HMBOX1: variants seen among roughly 807,000 people sequenced by gnomAD.
The protein encoded by HMBOX1 is homeobox containing 1.
A neutral mutation model predicts 54.5 loss-of-function variants in HMBOX1; 14 were observed. The observed-to-expected ratio is 0.26, with a 90% confidence interval of 0.17 to 0.40. HMBOX1 has a LOEUF of 0.40. Ranked by LOEUF, HMBOX1 falls within the 10% of genes least tolerant of loss-of-function variation. HMBOX1 has a pLI of 1.00. For synonymous variants in HMBOX1, 160 were observed against 181.0 expected (o/e 0.88, Z 0.93); for missense variants, 332 against 514.4 (o/e 0.65, Z 3.43).
At chr8:28,946,439 G>A (rs1176323524) in intron 1 of HMBOX1, among the ~76,000 whole-genome samples, 1 of 151,890 alleles carries the variant, frequency 6.6e-6, no homozygotes, top group Non-Finnish European at 1.5e-5. Flanking sequence ...GCATGGTGGT[G>A]GATGCCTGTA....
intron 7 of HMBOX1, among the ~76,000 whole-genome samples, chr8:29,047,061 G>A (rs569357905): frequency 1.1e-3 from 164 of 152,338 alleles, no homozygotes; most frequent in Non-Finnish European, 1.4e-3. Context: ...TCACATGGAC[G>A]TGGATCTGAC....
At chr8:29,001,912 A>G (rs1022527648) in intron 4 of HMBOX1, among the ~76,000 whole-genome samples, 7 of 152,214 alleles carry the variant, frequency 4.6e-5, no homozygotes, top group Admixed American at 4.6e-4. Context: ...CTGACTGTCT[A>G]AAAATATGTT....
chr8:28,946,601 A>C (rs1822520586), intron 1 of HMBOX1, among the ~76,000 whole-genome samples: 1 of 152,136 alleles, frequency 6.6e-6, no homozygotes, highest in Admixed American at 6.5e-5. Context: ...ATTGTGTTTG[A>C]TATGTATTTT....
intron 6 of HMBOX1, among the ~76,000 whole-genome samples, chr8:29,039,028 C>G (rs1419609489): frequency 6.6e-6 from 1 of 152,140 alleles, no homozygotes; most frequent in Non-Finnish European, 1.5e-5. Context: ...TCCCTGTACC[C>G]GCCCTCTCTG....
At chr8:29,022,539 A>G (rs1050973046) in intron 6 of HMBOX1, among the ~76,000 whole-genome samples, 10 of 152,230 alleles carry the variant, frequency 6.6e-5, no homozygotes, top group Non-Finnish European at 1.5e-4. Context: ...AACTATGTCA[A>G]TAAATTATAG....
At chr8:28,953,328 T>C (rs1251252272) in intron 1 of HMBOX1, among the ~76,000 whole-genome samples, 1 of 152,188 alleles carries the variant, frequency 6.6e-6, no homozygotes, top group African/African-American at 2.4e-5. Context: ...TAAGGCCTCA[T>C]TTATTGGTTA....
chr8:28,937,522 A>G (rs1820619276), intron 1 of HMBOX1, among the ~76,000 whole-genome samples: 1 of 152,128 alleles, frequency 6.6e-6, no homozygotes, highest in Non-Finnish European at 1.5e-5. Flanking sequence ...AACCCAACAC[A>G]TTTTCTTCAA....
chr8:28,952,801 C>T (rs1167047559), intron 1 of HMBOX1, among the ~76,000 whole-genome samples: 4 of 152,128 alleles, frequency 2.6e-5, no homozygotes, highest in Non-Finnish European at 4.4e-5. Flanking sequence ...TGTAATAATT[C>T]TTTTGGAATA....
intron 4 of HMBOX1, among the ~76,000 whole-genome samples, chr8:29,003,555 A>AATATATATATATATATATATATGTAT (rs1832983177): frequency 1.4e-5 from 1 of 71,312 alleles, no homozygotes; most frequent in East Asian, 6.4e-4. Flanking sequence ...TTCTGTATTA[A>AATATATATATATATATATATATGTAT]ATATATATAT....
In HMBOX1 at chr8:28,898,950, G is replaced by A. The variant is rs74873713; in HGVS notation, c.-58+8272G>A. On this transcript the variant is annotated intron_variant, in intron 1 of 9. Coordinates refer to ENST00000287701, the MANE Select transcript of HMBOX1 (RefSeq NM_001135726.3). ...TTTTATGAGGAGGGTTCTCTTGTTG[G>A]TGTTGAACAAGGCACTCAGTTAAAC... 4.7e-3 allele frequency among the ~76,000 whole-genome samples: 715 copies of A among 152,280 alleles called. 4 individuals are homozygous for A. Among genetic ancestry groups the A allele is most frequent in the African/African-American group, 0.016 (679 of 41,544 alleles).
At chr8:28,981,359 T>C (rs983217416) in intron 4 of HMBOX1, among the ~76,000 whole-genome samples, 6 of 152,192 alleles carry the variant, frequency 3.9e-5, no homozygotes, top group Admixed American at 2.0e-4. Context: ...TGTTGTAGTA[T>C]TTAGGTGTTT....
chr8:28,933,833 T>C (rs1392782249), intron 1 of HMBOX1, among the ~76,000 whole-genome samples: 2 of 152,234 alleles, frequency 1.3e-5, no homozygotes, highest in African/African-American at 4.8e-5. Context: ...GCTAAAAACC[T>C]TTCGTGCAAA....
chr8:28,900,291 T>TATATATATATATA (rs1554519282), intron 1 of HMBOX1, among the ~76,000 whole-genome samples: 2 of 143,652 alleles, frequency 1.4e-5, no homozygotes, highest in African/African-American at 2.5e-5. Context: ...TATATATATA[T>TATATATATATATA]TTTGTTTCCT....
In HMBOX1 at chr8:28,951,821, C is replaced by G. The variant is rs117388385; in HGVS notation, c.-57-11990C>G. On this transcript the variant is annotated intron_variant, in intron 1 of 9. Transcript: ENST00000287701. ...GGAGTTTTGTGTTGAATTTGGGGAG[C>G]CACTTTTTAAGAGAAACTCTGACAT... Among the ~76,000 whole-genome samples, 19 of 152,238 alleles carry G rather than the reference C, an allele frequency of 1.2e-4. No homozygotes were observed. In the East Asian group the frequency reaches 3.7e-3, roughly 29 times the overall value.
intron 6 of HMBOX1, among the ~76,000 whole-genome samples, chr8:29,025,949 A>G (rs1269824031): frequency 6.6e-6 from 1 of 151,746 alleles, no homozygotes; most frequent in African/African-American, 2.4e-5. Flanking sequence ...CCCCATCCTC[A>G]TTCTCTTATG....
chr8:28,952,688 G>A (rs776830926), intron 1 of HMBOX1, among the ~76,000 whole-genome samples: 23 of 152,184 alleles, frequency 1.5e-4, no homozygotes, highest in Admixed American at 5.9e-4. Context: ...ATAAAAGGAA[G>A]ATCTTTATCA....
intron 5 of HMBOX1, among the ~76,000 whole-genome samples, chr8:29,010,868 G>T (rs927169256): frequency 9.2e-5 from 14 of 152,000 alleles, no homozygotes; most frequent in Admixed American, 2.6e-4. Flanking sequence ...TTCTTTTAAT[G>T]ACATGAACTT....
intron 6 of HMBOX1, among the ~76,000 whole-genome samples, chr8:29,044,989 CAT>C (rs1432923951): frequency 1.3e-5 from 2 of 152,014 alleles, no homozygotes; most frequent in African/African-American, 4.8e-5. Context: ...ATCAGTCACA[CAT>C]ATCAAAAATA....
At position 29,047,434 on chromosome 8, in the gene HMBOX1, C is replaced by G; in HGVS notation, c.1011C>G (p.Ile337Met). 6.3e-7 allele frequency: 1 copy of G among 1,589,500 alleles called. No individual in the cohort carries two copies. The highest frequency in any genetic ancestry group is 8.6e-7 in the Non-Finnish European group (1 of 1,157,576). Residue 337 changes from isoleucine to methionine, a missense_variant, in exon 8 of 10, where the codon ATC (isoleucine) becomes ATG (methionine). Coordinates refer to ENST00000287701, the MANE Select transcript of HMBOX1 (RefSeq NM_001135726.3). Reference protein sequence around the residue: ...YNWFANRRKEIKRRANIEAAI... With the variant: ...YNWFANRRKEMKRRANIEAAI... ...GGTTTGCTAACAGAAGGAAGGAGAT[C>G]AAGAGGAGAGCCAATATTGGTAATG... is the stretch of plus-strand genomic sequence containing the variant.
Sources: allele counts gnomAD v4.1 joint callset (sites outside exome capture counted in the v4.1 genomes callset), GRCh38; gene constraint gnomAD v4.1.1; transcripts MANE v1.5; gene names NCBI Gene and HGNC (gene_info 2026-07-23, HGNC 2026-07-21).